PPARA: variants seen among roughly 807,000 people sequenced by gnomAD.
The protein encoded by PPARA is peroxisome proliferator activated receptor alpha.
PPARA carries 22 observed loss-of-function variants against 42.2 expected under a neutral mutation model. That is an observed-to-expected ratio of 0.52 (90% CI 0.37 to 0.74). PPARA has a LOEUF of 0.74. PPARA is among the 30% of genes least tolerant of loss of function. The probability of loss-of-function intolerance (pLI) is 0.00; values close to 1 mark genes in which losing one functional copy is unlikely to be tolerated. For missense variants in PPARA, 465 were observed against 608.2 expected (o/e 0.76, Z 2.48); for synonymous variants, 242 against 239.3 (o/e 1.01, Z -0.10).
intron 4 of PPARA, among the ~76,000 whole-genome samples, chr22:46,214,546 G>A (rs1934266420): frequency 7.8e-6 from 1 of 128,306 alleles, no homozygotes; most frequent in African/African-American, 2.9e-5. Context: ...GATGTTGGGG[G>A]GTCAGGAGAT....
chr22:46,186,654 A>G (rs1001683038), intron 3 of PPARA, among the ~76,000 whole-genome samples: 5 of 152,162 alleles, frequency 3.3e-5, no homozygotes, highest in Non-Finnish European at 7.3e-5. Flanking sequence ...CGGAGGTTGC[A>G]GTGAGCCGAG....
At chr22:46,151,142 G>T (rs951028002) in intron 1 of PPARA, 6 of 152,238 alleles carry the variant, frequency 3.9e-5, no homozygotes, top group African/African-American at 1.4e-4. Context: ...GATCTCCGAG[G>T]CGAGGAAACC....
At chr22:46,189,859 A>G (rs533329629) in intron 3 of PPARA, among the ~76,000 whole-genome samples, 1 of 152,172 alleles carries the variant, frequency 6.6e-6, no homozygotes, top group African/African-American at 2.4e-5. Flanking sequence ...GGCACGTGCC[A>G]CCACGCCCAG....
rs1932794880 is a variant in PPARA, at chr22:46,200,724, T to G, written c.208+2133T>G. On this transcript the variant is annotated intron_variant, in intron 4 of 8. Transcript: ENST00000407236. The surrounding 1 kb of genome is among the most constrained non-coding windows in gnomAD (Gnocchi z 4.8). ...CGAGGTCAGGAGTTCAAGACCAGTC[T>G]GGCCAACATGGCAAAACCCCATCTC... Among the ~76,000 whole-genome samples the G allele has an allele frequency of 6.6e-6, 1 of 151,982 alleles. No individual in the cohort carries two copies. The highest frequency in any genetic ancestry group is 1.5e-5 in the Non-Finnish European group (1 of 67,990).
intron 2 of PPARA, among the ~76,000 whole-genome samples, chr22:46,175,128 CA>C (rs1287212036): frequency 2.0e-5 from 3 of 151,994 alleles, no homozygotes; most frequent in Non-Finnish European, 4.4e-5. Context: ...AGGCTGGTCT[CA>C]GATTCCTGAC....
In PPARA at chr22:46,204,748, T is replaced by C. The variant is rs1417168818; in HGVS notation, c.208+6157T>C. Among the ~76,000 whole-genome samples, 25 of 152,204 alleles carry C rather than the reference T, an allele frequency of 1.6e-4. No homozygotes were observed. Among genetic ancestry groups the C allele is most frequent in the Admixed American group, 1.6e-3 (25 of 15,274 alleles). On this transcript the variant is annotated intron_variant, in intron 4 of 8. Coordinates refer to ENST00000407236, the MANE Select transcript of PPARA (RefSeq NM_005036.6). The surrounding 1 kb of genome is among the most constrained non-coding windows in gnomAD (Gnocchi z 5.2). ...ACTATTGAACACTATTTATATATTT[T>C]GAATACAAATACTTTATCAGACATG...
intron 7 of PPARA, among the ~76,000 whole-genome samples, chr22:46,229,218 G>C (rs1420754207): frequency 6.6e-6 from 1 of 152,058 alleles, no homozygotes; most frequent in Non-Finnish European, 1.5e-5. Flanking sequence ...CTGGAATTGA[G>C]GGAATACTGC....
intron 4 of PPARA, among the ~76,000 whole-genome samples, chr22:46,207,277 ATTTT>A (rs76116601): frequency 0.035 from 4,159 of 119,580 alleles, 191 homozygotes; most frequent in African/African-American, 0.12. Context: ...TACATTGGCA[ATTTT>A]TTTTTTTTTT....
rs572621034 is a variant in PPARA at position 46,224,976 on chromosome 22, G to C, written c.711+4962G>C. Among the ~76,000 whole-genome samples the C allele has an allele frequency of 1.3e-5, 2 of 151,808 alleles. 1 individual carries two copies. Among genetic ancestry groups the C allele is most frequent in the Admixed American group, 1.3e-4 (2 of 15,244 alleles). Reference sequence around the variant, plus strand: ...GCTGGAACAGGCTAGAATGCTGGGGGGGGGCCTGAAACCGGTGGGGGAGTT... The same window carrying C: ...GCTGGAACAGGCTAGAATGCTGGGGCGGGGCCTGAAACCGGTGGGGGAGTT... On this transcript the variant is annotated intron_variant, in intron 7 of 8. Coordinates refer to ENST00000407236, the MANE Select transcript of PPARA (RefSeq NM_005036.6). This position sits in a 1 kb window ranked among gnomAD's most constrained non-coding sequence, Gnocchi z 5.7.
intron 4 of PPARA, among the ~76,000 whole-genome samples, chr22:46,205,406 G>A (rs1275001259): frequency 6.8e-6 from 1 of 147,730 alleles, no homozygotes; most frequent in Non-Finnish European, 1.5e-5. Context: ...TATTTGTAGA[G>A]ACGGGGTTTC....
intron 4 of PPARA, among the ~76,000 whole-genome samples, chr22:46,207,014 G>A (rs540091552): frequency 1.8e-3 from 267 of 152,178 alleles, no homozygotes; most frequent in Non-Finnish European, 2.7e-3. Flanking sequence ...CCTGAGGTCA[G>A]GAGTTCAAGA....
chr22:46,226,442 G>C (rs1341555904), intron 7 of PPARA, among the ~76,000 whole-genome samples: 2 of 152,188 alleles, frequency 1.3e-5, no homozygotes, highest in Non-Finnish European at 2.9e-5. Context: ...TATCAGAACT[G>C]ACACTCAGTT....
Position 46,231,614 on chromosome 22 carries a change from T to A in PPARA, c.712-178T>A, listed in dbSNP as rs186958278. ...TTATACTGTTTGTTCTCTATTAATG[T>A]CTTATTTTCCCCAACCGATTTTGAA... On this transcript the variant is annotated intron_variant, in intron 7 of 8. Transcript: ENST00000407236. This position sits in a 1 kb window ranked among gnomAD's most constrained non-coding sequence, Gnocchi z 7.7. Among the ~76,000 whole-genome samples, 1 of 152,322 alleles carries A rather than the reference T, an allele frequency of 6.6e-6. No homozygotes were observed. The highest frequency in any genetic ancestry group is 1.9e-4 in the East Asian group (1 of 5,180).
At chr22:46,153,058 C>G (rs999666245) in intron 2 of PPARA, among the ~76,000 whole-genome samples, 1 of 152,060 alleles carries the variant, frequency 6.6e-6, no homozygotes. Context: ...TGCACTGCAG[C>G]CTGGGCGCCA....
At chr22:46,208,402 G>A (rs965621587) in intron 4 of PPARA, among the ~76,000 whole-genome samples, 6 of 152,038 alleles carry the variant, frequency 3.9e-5, no homozygotes, top group Non-Finnish European at 8.8e-5. Context: ...ACAAAAATCA[G>A]CCAGGCGCGG....
rs1432676524 is a variant in PPARA, at chr22:46,242,581, T to G, written c.*7201T>G. The G allele has an allele frequency of 6.5e-6, 1 of 152,688 alleles. No individual in the cohort carries two copies. The highest frequency in any genetic ancestry group is 1.5e-5 in the Non-Finnish European group (1 of 68,042). The allele number at this position is 152,688 out of a possible 1,614,324, so 9.5% of individuals were successfully genotyped here. The stretch of plus-strand genomic sequence containing the variant: ...TCCTAATACAAATATTTTACTAACT[T>G]ACAATCACTCATTTAATAAGAAACA... On this transcript the variant is annotated 3_prime_UTR_variant, in exon 9 of 9. Transcript: ENST00000407236. This position sits in a 1 kb window ranked among gnomAD's most constrained non-coding sequence, Gnocchi z 6.1.
chr22:46,194,405 T>G (rs376370892), intron 3 of PPARA, among the ~76,000 whole-genome samples: 1 of 152,016 alleles, frequency 6.6e-6, no homozygotes, highest in African/African-American at 2.4e-5. Flanking sequence ...ACTAACATTG[T>G]TTTATTGGTC....
At chr22:46,199,140 C>G (rs1932718989) in intron 4 of PPARA, among the ~76,000 whole-genome samples, 1 of 152,114 alleles carries the variant, frequency 6.6e-6, no homozygotes, top group Non-Finnish European at 1.5e-5. Flanking sequence ...TCACGGGGAA[C>G]AGCTAAAGTA....
rs1936224465 is a variant in PPARA, at chr22:46,236,749, A to C, written c.*1369A>C. ...TGGGAGCCAGTCACCCTGCGGATCGAGAGAGGGGGTAGAGTCTTCTTCAAA... is the reference window on the plus strand; with the variant it reads ...TGGGAGCCAGTCACCCTGCGGATCGCGAGAGGGGGTAGAGTCTTCTTCAAA... On this transcript the variant is annotated 3_prime_UTR_variant, in exon 9 of 9. Coordinates refer to ENST00000407236, the MANE Select transcript of PPARA (RefSeq NM_005036.6). This position sits in a 1 kb window ranked among gnomAD's most constrained non-coding sequence, Gnocchi z 5.2. 6.6e-6 allele frequency: 1 copy of C among 152,596 alleles called. No homozygotes were observed. Among genetic ancestry groups the C allele is most frequent in the Non-Finnish European group, 1.5e-5 (1 of 68,036 alleles). 9.5% of individuals were successfully genotyped at this position (152,596 alleles called of 1,614,324 possible).
Sources: gnomAD v4.1 joint callset for allele counts (sites outside exome capture counted in the v4.1 genomes callset) on GRCh38, gnomAD v4.1.1 for gene constraint, Gnocchi (gnomAD v3.1) non-coding constraint, MANE v1.5 for transcripts, NCBI Gene and HGNC (gene_info 2026-07-23, HGNC 2026-07-21) for gene names.